CCDC141: variants seen among roughly 807,000 people sequenced by gnomAD.
The protein encoded by CCDC141 is coiled-coil domain-containing protein 141.
Under a neutral mutation model 181.0 loss-of-function variants are expected in CCDC141, and 168 were observed. The ratio of observed to expected loss-of-function variants is 0.93; its 90% CI spans 0.82 to 1.05. The LOEUF is 1.05. Among genes scored for constraint, CCDC141 ranks in the 50% least tolerant of loss-of-function variants. The pLI is 0.00. For synonymous variants in CCDC141, 666 were observed against 642.3 expected (o/e 1.04, Z -0.56); for missense variants, 1,902 against 1,788.5 (o/e 1.06, Z -1.14).
At chr2:178,853,342 G>A (rs71423585) in intron 20 of CCDC141, 99 bp downstream of exon 20, 1 of 1,028,168 alleles carries the variant, frequency 9.7e-7, no homozygotes, top group Non-Finnish European at 1.5e-6. Context: ...GGTGTGCTGA[G>A]GACCCTGAGG....
intron 2 of CCDC141, among the ~76,000 whole-genome samples, chr2:179,012,841 G>A (rs372865121): frequency 1.9e-4 from 29 of 152,100 alleles, no homozygotes; most frequent in African/African-American, 6.5e-4. Context: ...GATATACCAC[G>A]TAAACAGAAT....
chr2:178,921,059 T>C (rs1432460784), intron 6 of CCDC141, among the ~76,000 whole-genome samples: 4 of 152,222 alleles, frequency 2.6e-5, no homozygotes, highest in Non-Finnish European at 5.9e-5. Flanking sequence ...CACAGGTCTT[T>C]GTCTCATGCT....
At chr2:178,916,950 T>TTTTTA (rs993602533) in intron 7 of CCDC141, among the ~76,000 whole-genome samples, 1 of 150,772 alleles carries the variant, frequency 6.6e-6, no homozygotes, top group African/African-American at 2.4e-5. Context: ...TTTTTTTTTT[T>TTTTTA]AAAAAAAAGG....
rs1382756195 is a variant in CCDC141 at position 178,868,006 on chromosome 2, T to C, written c.2574+20A>G. The stretch of plus-strand genomic sequence containing the variant: ...CCCAGCTAGAACTGAGTCTAAATGA[T>C]AGTGTTATTAGATGCTTACAGGCCG... On this transcript the variant is annotated intron_variant, in intron 16 of 23. Transcript: ENST00000443758. 1.9e-6 allele frequency: 3 copies of C among 1,582,842 alleles called. No individual in the cohort carries two copies. Among genetic ancestry groups the C allele is most frequent in the South Asian group, 1.1e-5 (1 of 88,548 alleles).
chr2:178,981,634 G>GTATATATATATATATATATATA (rs1398463319), intron 2 of CCDC141, among the ~76,000 whole-genome samples: 2 of 12,088 alleles, frequency 1.7e-4, no homozygotes, highest in East Asian at 8.6e-3. Flanking sequence ...ATGTGTGTGT[G>GTATATATATATATATATATATA]TGTATATATA....
chr2:179,043,225 A>G (rs2043371040), intron 2 of CCDC141, among the ~76,000 whole-genome samples: 1 of 152,200 alleles, frequency 6.6e-6, no homozygotes, highest in African/African-American at 2.4e-5. Context: ...TTGAGGCAGT[A>G]ATAAATAGCC....
At chr2:179,047,505 C>G in intron 1 of CCDC141, 99 bp from the exon 2 acceptor site, 1 of 1,051,978 alleles carries the variant, frequency 9.5e-7, no homozygotes, top group Non-Finnish European at 1.3e-6. Flanking sequence ...TCCAGTTATA[C>G]TGTAAACACT....
chr2:179,015,103 T>TATATAA (rs1349211734), intron 2 of CCDC141, among the ~76,000 whole-genome samples: 2 of 28,212 alleles, frequency 7.1e-5, no homozygotes, highest in Non-Finnish European at 9.5e-5. Context: ...TATATATATA[T>TATATAA]AATATATATA....
intron 2 of CCDC141, among the ~76,000 whole-genome samples, chr2:179,004,383 C>T (rs34946578): frequency 0.16 from 23,740 of 152,070 alleles, 1,956 homozygotes; most frequent in Middle Eastern, 0.26. Flanking sequence ...TTTTCTAATA[C>T]ATTTGTTTCA....
chr2:178,965,805 G>C (rs1049136197), intron 4 of CCDC141, among the ~76,000 whole-genome samples: 8 of 152,076 alleles, frequency 5.3e-5, no homozygotes, highest in Admixed American at 4.6e-4. Flanking sequence ...TAAAGCCAGG[G>C]AGCCAAGTGG....
intron 5 of CCDC141, among the ~76,000 whole-genome samples, chr2:178,951,649 T>C (rs1297093885): frequency 6.6e-6 from 1 of 152,150 alleles, no homozygotes; most frequent in Non-Finnish European, 1.5e-5. Context: ...ACTCCCTGGC[T>C]AGTTTGGGAT....
the CCDC141 span, among the ~76,000 whole-genome samples, chr2:178,823,793 A>G: frequency 6.6e-6 from 1 of 152,208 alleles, no homozygotes; most frequent in Non-Finnish European, 1.5e-5. Context: ...GCTATCTGGA[A>G]ATCTTGTTTG....
chr2:178,988,037 C>A (rs925546829), intron 2 of CCDC141, among the ~76,000 whole-genome samples: 8 of 152,006 alleles, frequency 5.3e-5, no homozygotes, highest in Non-Finnish European at 8.8e-5. Flanking sequence ...TACTGCGGCA[C>A]TATTCACAAT....
At chr2:178,951,688 TCACCAGGGGCAA>T (rs759512913) in intron 5 of CCDC141, among the ~76,000 whole-genome samples, 39 of 151,984 alleles carry the variant, frequency 2.6e-4, no homozygotes, top group Non-Finnish European at 5.3e-4. Flanking sequence ...AAGCCAATGA[TCACCAGGGGCAA>T]CACCAGGGGT....
intron 2 of CCDC141, among the ~76,000 whole-genome samples, chr2:179,012,644 C>T (rs1341151987): frequency 2.0e-5 from 3 of 152,064 alleles, no homozygotes; most frequent in Admixed American, 2.0e-4. Context: ...ATACCAAAAC[C>T]AGGAAAGGAC....
chr2:178,941,239 T>A (rs1175275892), intron 6 of CCDC141, among the ~76,000 whole-genome samples: 1 of 152,142 alleles, frequency 6.6e-6, no homozygotes, highest in Non-Finnish European at 1.5e-5. Flanking sequence ...TCATATTCCA[T>A]CCATCTGTTC....
intron 23 of CCDC141, among the ~76,000 whole-genome samples, chr2:178,835,455 T>C (rs1684439443): frequency 6.6e-6 from 1 of 152,242 alleles, no homozygotes; most frequent in Non-Finnish European, 1.5e-5. Context: ...AGATTCTTGT[T>C]TATTTATTTC....
chr2:178,817,714 T>C, the CCDC141 span: 5 of 344,372 alleles, frequency 1.5e-5, no homozygotes, highest in Non-Finnish European at 2.9e-5. Flanking sequence ...GTTGCTAAGA[T>C]ACACATGTGT....
chr2:178,959,247 C>T (rs1690293324), intron 5 of CCDC141, among the ~76,000 whole-genome samples: 1 of 150,938 alleles, frequency 6.6e-6, no homozygotes, highest in Non-Finnish European at 1.5e-5. Context: ...ACATATGTAA[C>T]AAACCTGCAT....
Sources: allele counts gnomAD v4.1 joint callset (sites outside exome capture counted in the v4.1 genomes callset), GRCh38; gene constraint gnomAD v4.1.1; transcripts MANE v1.5; gene names NCBI Gene and HGNC (gene_info 2026-07-23, HGNC 2026-07-21).